MAGI2: variants seen among roughly 807,000 people sequenced by gnomAD.
MAGI2 encodes membrane-associated guanylate kinase, WW and PDZ domain-containing protein 2.
In MAGI2, 35 loss-of-function variants were observed where a neutral mutation model predicts 133.3. That is an observed-to-expected ratio of 0.26 (90% confidence interval 0.20 to 0.35). The LOEUF is 0.35. Ranked by LOEUF, MAGI2 falls within the 10% of genes least tolerant of loss-of-function variation. The probability of loss-of-function intolerance (pLI) is 1.00; values close to 1 mark genes in which losing one functional copy is unlikely to be tolerated. For missense variants in MAGI2, 1,636 were observed against 1,863.4 expected, an observed-to-expected ratio of 0.88 and a Z score of 2.25; for synonymous variants, 729 against 710.6, an observed-to-expected ratio of 1.03 and a Z score of -0.41.
chr7:79,404,663 C>A (rs779576901), intron 1 of MAGI2, among the ~76,000 whole-genome samples: 35 of 152,102 alleles, frequency 2.3e-4, no homozygotes, highest in Non-Finnish European at 2.9e-4. Context: ...GACCCAGGCC[C>A]CTGAGCTAGG....
intron 13 of MAGI2, among the ~76,000 whole-genome samples, chr7:78,178,917 A>G (rs1021703934): frequency 1.3e-5 from 2 of 151,970 alleles, no homozygotes; most frequent in African/African-American, 4.8e-5. Flanking sequence ...AAGATGAAAA[A>G]CTCTCCTGAA....
chr7:78,412,708 G>A (rs1418969861), intron 6 of MAGI2, among the ~76,000 whole-genome samples: 1 of 152,028 alleles, frequency 6.6e-6, no homozygotes, highest in Admixed American at 6.6e-5. Context: ...AACCATCCAA[G>A]TTGTGTATGT....
chr7:78,734,201 T>C (rs934445373), intron 2 of MAGI2, among the ~76,000 whole-genome samples: 1 of 152,168 alleles, frequency 6.6e-6, no homozygotes, highest in Non-Finnish European at 1.5e-5. Flanking sequence ...AGGCATCAAA[T>C]ATAGCAGCAT....
chr7:78,289,113 A>C (rs1796441306), intron 9 of MAGI2, among the ~76,000 whole-genome samples: 1 of 152,210 alleles, frequency 6.6e-6, no homozygotes, highest in South Asian at 2.1e-4. Flanking sequence ...GACTTTGATG[A>C]GTTGGCAGAA....
At chr7:79,126,891 C>T (rs1401931304) in intron 1 of MAGI2, among the ~76,000 whole-genome samples, 1 of 151,930 alleles carries the variant, frequency 6.6e-6, no homozygotes, top group East Asian at 1.9e-4. Flanking sequence ...TGTTGGTGTG[C>T]TGCACCCATT....
chr7:79,083,608 A>G (rs995196280), intron 1 of MAGI2, among the ~76,000 whole-genome samples: 1 of 151,724 alleles, frequency 6.6e-6, no homozygotes, highest in African/African-American at 2.4e-5. Context: ...TCATATTCAT[A>G]AGGGATATTT....
chr7:78,687,969 T>TAAAAAAAAAAAAAAAAAAAAAAAAA (rs72030909), intron 2 of MAGI2, among the ~76,000 whole-genome samples: 20 of 67,218 alleles, frequency 3.0e-4, no homozygotes, highest in Non-Finnish European at 4.7e-4. Context: ...GTCCTTGCCT[T>TAAAAAAAAAAAAAAAAAAAAAAAAA]AAAAAAAAAA....
chr7:79,095,269 C>A (rs535103977), intron 1 of MAGI2, among the ~76,000 whole-genome samples: 1 of 152,174 alleles, frequency 6.6e-6, no homozygotes, highest in East Asian at 1.9e-4. Context: ...CAAGACAGTG[C>A]GGTGGCTTGT....
chr7:78,766,890 A>G (rs531398699), intron 2 of MAGI2, among the ~76,000 whole-genome samples: 8 of 152,146 alleles, frequency 5.3e-5, no homozygotes, highest in Non-Finnish European at 1.2e-4. Context: ...GACTTTGTGT[A>G]TTTTATAGGT....
At chr7:79,210,430 T>A (rs1345517600) in intron 1 of MAGI2, among the ~76,000 whole-genome samples, 1 of 152,100 alleles carries the variant, frequency 6.6e-6, no homozygotes, top group Non-Finnish European at 1.5e-5. Context: ...CCCAGGTAAT[T>A]GCTCATGTGT....
intron 2 of MAGI2, among the ~76,000 whole-genome samples, chr7:78,926,525 T>C (rs1799705563): frequency 6.6e-6 from 1 of 152,026 alleles, no homozygotes; most frequent in Non-Finnish European, 1.5e-5. Context: ...TTCCTGTCTT[T>C]CTTTCCTCTT....
intron 6 of MAGI2, among the ~76,000 whole-genome samples, chr7:78,408,457 T>A (rs1034724074): frequency 2.0e-5 from 3 of 152,078 alleles, no homozygotes; most frequent in African/African-American, 7.2e-5. Context: ...CTGCAGTTTA[T>A]CTTTGATACC....
chr7:78,655,226 A>G (rs145218075), intron 2 of MAGI2, among the ~76,000 whole-genome samples: 1 of 152,008 alleles, frequency 6.6e-6, no homozygotes, highest in Non-Finnish European at 1.5e-5. Context: ...CGGAAAACCT[A>G]TTGTCAAAAC....
intron 8 of MAGI2, among the ~76,000 whole-genome samples, chr7:78,344,410 G>A (rs551381559): frequency 6.6e-6 from 1 of 152,180 alleles, no homozygotes; most frequent in South Asian, 2.1e-4. Flanking sequence ...AAGAAATAAG[G>A]GTAGAGAAAT....
chr7:78,436,800 C>T (rs966793967), intron 6 of MAGI2, among the ~76,000 whole-genome samples: 2 of 152,210 alleles, frequency 1.3e-5, no homozygotes, highest in Admixed American at 1.3e-4. Flanking sequence ...CATCCCCAAG[C>T]TGGCCTGTCC....
chr7:79,091,135 C>T (rs1817011136), intron 1 of MAGI2, among the ~76,000 whole-genome samples: 2 of 152,080 alleles, frequency 1.3e-5, no homozygotes, highest in African/African-American at 4.8e-5. Context: ...ACCACATTTG[C>T]TAACTCTTAT....
At chr7:78,634,246 A>T (rs928343148) in intron 2 of MAGI2, among the ~76,000 whole-genome samples, 2 of 152,242 alleles carry the variant, frequency 1.3e-5, no homozygotes, top group African/African-American at 4.8e-5. Flanking sequence ...TTTTGTAGAC[A>T]GTCATGTAAA....
intron 3 of MAGI2, among the ~76,000 whole-genome samples, chr7:78,533,760 T>A (rs2150634008): frequency 6.6e-6 from 1 of 152,360 alleles, no homozygotes. Context: ...TCTCAATTCC[T>A]GGGCTAGTTC....
intron 2 of MAGI2, among the ~76,000 whole-genome samples, chr7:78,975,954 C>A (rs1307868993): frequency 1.3e-5 from 2 of 151,508 alleles, no homozygotes; most frequent in Non-Finnish European, 3.0e-5. Flanking sequence ...CATAAACTAT[C>A]AAAACTCACA....
Sources: gnomAD v4.1 joint callset for allele counts (sites outside exome capture counted in the v4.1 genomes callset) on GRCh38, gnomAD v4.1.1 for gene constraint, MANE v1.5 for transcripts, NCBI Gene and HGNC (gene_info 2026-07-23, HGNC 2026-07-21) for gene names.